The following DIAPH3 variants were observed in gnomAD, a reference collection of about 807,000 sequenced individuals.
The protein encoded by DIAPH3 is diaphanous related formin 3, also known as protein diaphanous homolog 3.
A neutral mutation model predicts 144.3 loss-of-function variants in DIAPH3; 117 were observed. The observed-to-expected ratio is 0.81, with a 90% CI of 0.70 to 0.95. DIAPH3 has a LOEUF of 0.95. Ranked by LOEUF, DIAPH3 falls within the 40% of genes least tolerant of loss-of-function variation. The probability of loss-of-function intolerance (pLI) is 0.00; values close to 1 mark genes in which losing one functional copy is unlikely to be tolerated. For missense variants in DIAPH3, 1,421 were observed against 1,412.7 expected (o/e 1.01, Z -0.09); for synonymous variants, 519 against 488.9 (o/e 1.06, Z -0.81).
chr13:60,036,197 G>A (rs750990300), intron 5 of DIAPH3, among the ~76,000 whole-genome samples: 76 of 152,150 alleles, frequency 5.0e-4, no homozygotes, highest in Non-Finnish European at 9.3e-4. Flanking sequence ...CAATCTGTCA[G>A]TGTTTATTTT....
chr13:59,850,829 G>T lies in DIAPH3; in HGVS notation c.2737+10578C>A, dbSNP rs2139849128. On this transcript the variant is annotated intron_variant, in intron 22 of 27. Coordinates refer to ENST00000400324, the MANE Select transcript of DIAPH3 (RefSeq NM_001042517.2). Reference sequence around the variant, plus strand: ...CACTCTCCCAAGACTAAACCAGGAAGAAGTTCAATCTCTGAATAGACCAAT... The same window carrying T: ...CACTCTCCCAAGACTAAACCAGGAATAAGTTCAATCTCTGAATAGACCAAT... Among the ~76,000 whole-genome samples the T allele has an allele frequency of 2.0e-5, 3 of 147,992 alleles. No homozygotes were observed. The Middle Eastern group carries it at 0.01, about 510-fold the overall frequency.
At chr13:59,953,704 T>C (rs2049223132) in intron 17 of DIAPH3, among the ~76,000 whole-genome samples, 1 of 151,960 alleles carries the variant, frequency 6.6e-6, no homozygotes, top group African/African-American at 2.4e-5. Context: ...AGAAAATAGC[T>C]AGATACACAA....
chr13:60,123,463 T>C (rs1039342077), intron 2 of DIAPH3, among the ~76,000 whole-genome samples: 1 of 152,214 alleles, frequency 6.6e-6, no homozygotes, highest in Non-Finnish European at 1.5e-5. Flanking sequence ...AAGTTTGTGC[T>C]GATTTGAGGA....
At chr13:59,930,019 A>G (rs1594029422) in intron 17 of DIAPH3, among the ~76,000 whole-genome samples, 3 of 152,312 alleles carry the variant, frequency 2.0e-5, no homozygotes, top group African/African-American at 2.4e-5. Context: ...TATCATAAAC[A>G]TGGCATGTGT....
chr13:59,728,504 C>A (rs2035716584), intron 27 of DIAPH3, among the ~76,000 whole-genome samples: 1 of 151,848 alleles, frequency 6.6e-6, no homozygotes, highest in Non-Finnish European at 1.5e-5. Flanking sequence ...TTAATTGACA[C>A]TGTAGAAAGA....
At chr13:60,095,434 G>A (rs891686494) in intron 3 of DIAPH3, among the ~76,000 whole-genome samples, 25 of 152,162 alleles carry the variant, frequency 1.6e-4, no homozygotes, top group African/African-American at 6.0e-4. Context: ...ATTAGGGGGT[G>A]GGTCAATGTA....
intron 20 of DIAPH3, among the ~76,000 whole-genome samples, chr13:59,896,169 T>C (rs2046081865): frequency 6.6e-6 from 1 of 152,206 alleles, no homozygotes; most frequent in Non-Finnish European, 1.5e-5. Flanking sequence ...CTTGGTTAAG[T>C]AGTCTATTCT....
At chr13:59,830,553 ACT>A (rs1473235080) in intron 24 of DIAPH3, among the ~76,000 whole-genome samples, 2 of 151,642 alleles carry the variant, frequency 1.3e-5, no homozygotes, top group African/African-American at 4.8e-5. Flanking sequence ...TAGAGCTGTC[ACT>A]CTGTTACCCA....
At chr13:59,760,784 C>T (rs866598832) in intron 27 of DIAPH3, among the ~76,000 whole-genome samples, 18 of 152,124 alleles carry the variant, frequency 1.2e-4, no homozygotes, top group Middle Eastern at 3.4e-3. Context: ...ATGAGTGATG[C>T]GCTATTGTTT....
At chr13:59,839,302 T>C (rs771855044) in intron 23 of DIAPH3, 22 bp downstream of exon 23, 2 of 1,612,094 alleles carry the variant, frequency 1.2e-6, no homozygotes, top group South Asian at 2.2e-5. Context: ...TGACTTAAGT[T>C]ATTTAGCTAT....
intron 23 of DIAPH3, among the ~76,000 whole-genome samples, chr13:59,837,021 G>T (rs1445899648): frequency 3.9e-5 from 6 of 151,956 alleles, no homozygotes; most frequent in Non-Finnish European, 8.8e-5. Context: ...GACTCGCAAT[G>T]AATGAATTTA....
rs189264792 is a variant in DIAPH3, at chr13:60,152,681, G to C, written c.180+10906C>G. On this transcript the variant is annotated intron_variant, in intron 1 of 27. Transcript: ENST00000400324. ...GATATTTAATGTTTTAAGCTTATTA[G>C]TGAGTATACAGTGTTTTACACCTCT... Among the ~76,000 whole-genome samples, 595 of 151,954 alleles carry C rather than the reference G, an allele frequency of 3.9e-3. 3 individuals are homozygous for C. Among genetic ancestry groups the C allele is most frequent in the African/African-American group, 0.014 (567 of 41,482 alleles).
intron 17 of DIAPH3, among the ~76,000 whole-genome samples, chr13:59,926,624 T>C (rs191017329): frequency 2.6e-5 from 4 of 152,326 alleles, no homozygotes; most frequent in Middle Eastern, 3.4e-3. Flanking sequence ...ATAATTTCCA[T>C]ATTATTTGTA....
chr13:59,829,516 C>T (rs906203128), intron 24 of DIAPH3, among the ~76,000 whole-genome samples: 3 of 151,854 alleles, frequency 2.0e-5, no homozygotes, highest in Non-Finnish European at 4.4e-5. Context: ...GGAATAATAA[C>T]AGTACACATA....
At chr13:59,879,562 G>A in intron 20 of DIAPH3, 94 bp from the exon 21 acceptor site, 1 of 1,521,100 alleles carries the variant, frequency 6.6e-7, no homozygotes, top group Admixed American at 1.7e-5. Flanking sequence ...TTATTGGTAT[G>A]ACAGTACCAA....
At chr13:59,761,092 A>C (rs1295885775) in intron 27 of DIAPH3, among the ~76,000 whole-genome samples, 1 of 152,208 alleles carries the variant, frequency 6.6e-6, no homozygotes, top group Non-Finnish European at 1.5e-5. Context: ...TAGCATTCTT[A>C]ATGCATGTCA....
intron 22 of DIAPH3, among the ~76,000 whole-genome samples, chr13:59,852,661 T>C (rs2043044489): frequency 6.6e-6 from 1 of 152,230 alleles, no homozygotes; most frequent in Non-Finnish European, 1.5e-5. Flanking sequence ...TGTACACTTA[T>C]GTAACTGCAT....
chr13:59,704,092 ATCT>A lies in DIAPH3; in HGVS notation c.3320-37249_3320-37247del, dbSNP rs1214158313. Among the ~76,000 whole-genome samples the A allele has an allele frequency of 1.8e-4, 27 of 152,112 alleles. 1 individual carries two copies. The highest frequency in any genetic ancestry group is 1.6e-3 in the Admixed American group (24 of 15,286). ...GTTATCATTTCCTCAGCAAAAATAG[ATCT>A]TCTTCTTAGACTTCGTCTCTTTTGC... On this transcript the variant is annotated intron_variant, in intron 27 of 27. Transcript: ENST00000400324.
At chr13:60,067,888 T>C (rs1420710384) in intron 4 of DIAPH3, among the ~76,000 whole-genome samples, 1 of 152,162 alleles carries the variant, frequency 6.6e-6, no homozygotes, top group African/African-American at 2.4e-5. Context: ...TTTTAATCCC[T>C]ACAGATAAAA....
Sources: gnomAD v4.1 joint callset for allele counts (sites outside exome capture counted in the v4.1 genomes callset) on GRCh38, gnomAD v4.1.1 for gene constraint, MANE v1.5 for transcripts, NCBI Gene and HGNC (gene_info 2026-07-23, HGNC 2026-07-21) for gene names.